CAMK4: variants seen among roughly 807,000 people sequenced by gnomAD.
CAMK4 encodes calcium/calmodulin dependent protein kinase IV.
Under a neutral mutation model 44.9 loss-of-function variants are expected in CAMK4, and 22 were observed. That is an observed-to-expected ratio of 0.49 (90% CI 0.35 to 0.70). The LOEUF is 0.70. Ranked by LOEUF, CAMK4 falls within the 30% of genes least tolerant of loss-of-function variation. CAMK4 has a pLI of 0.01. For missense variants in CAMK4, 498 were observed against 586.8 expected (o/e 0.85, Z 1.56); for synonymous variants, 218 against 215.4 (o/e 1.01, Z -0.11).
chr5:111,389,227 A>G (rs1751714114), intron 4 of CAMK4, among the ~76,000 whole-genome samples: 1 of 152,136 alleles, frequency 6.6e-6, no homozygotes, highest in South Asian at 2.1e-4. Context: ...GGTGTCTTTT[A>G]TAAAGGCATG....
chr5:111,364,114 G>A (rs1750700548), intron 2 of CAMK4, among the ~76,000 whole-genome samples: 2 of 152,028 alleles, frequency 1.3e-5, no homozygotes, highest in Non-Finnish European at 2.9e-5. Context: ...GGCAACAATA[G>A]AGAGGTTTTC....
chr5:111,299,483 C>G (rs1747630236), intron 1 of CAMK4, among the ~76,000 whole-genome samples: 1 of 152,124 alleles, frequency 6.6e-6, no homozygotes, highest in Non-Finnish European at 1.5e-5. Context: ...GACACACATT[C>G]TAGATCTTAA....
rs948428447 is a variant in CAMK4 at position 111,492,205 on chromosome 5, C to T, written c.*7739C>T. On this transcript the variant is annotated 3_prime_UTR_variant, in exon 11 of 11. Transcript: ENST00000282356. ...TCATGACCTTTGTGTTTCCGTTTGA[C>T]TTTCAACATCTGTAACCAAAAGGTC... The T allele has an allele frequency of 6.6e-6, 1 of 152,080 alleles. No individual in the cohort carries two copies. The highest frequency in any genetic ancestry group is 1.5e-5 in the Non-Finnish European group (1 of 68,008). The allele number at this position is 152,080 out of a possible 1,614,324, so 9.4% of individuals were successfully genotyped here.
At chr5:111,434,506 A>G (rs1753578611) in intron 5 of CAMK4, among the ~76,000 whole-genome samples, 1 of 152,218 alleles carries the variant, frequency 6.6e-6, no homozygotes, top group Non-Finnish European at 1.5e-5. Flanking sequence ...ACTTTGCCCG[A>G]AATAGATTCT....
At chr5:111,449,020 C>T (rs897958670) in intron 6 of CAMK4, 109 bp from the exon 7 acceptor site, 13 of 540,450 alleles carry the variant, frequency 2.4e-5, no homozygotes, top group South Asian at 6.6e-5. Flanking sequence ...TCATCAAATA[C>T]AAAAGAAAGC....
At chr5:111,457,881 C>T (rs1277941595) in intron 7 of CAMK4, among the ~76,000 whole-genome samples, 1 of 152,168 alleles carries the variant, frequency 6.6e-6, no homozygotes, top group Non-Finnish European at 1.5e-5. Flanking sequence ...ATTAAATACC[C>T]AAAGTGGCAA....
chr5:111,482,701 A>C lies in CAMK4; in HGVS notation c.829-84A>C. The C allele has an allele frequency of 1.7e-6, 2 of 1,145,896 alleles. No individual in the cohort carries two copies. The highest frequency in any genetic ancestry group is 2.5e-6 in the Non-Finnish European group (2 of 800,478). The allele number at this position is 1,145,896 out of a possible 1,614,324, so 71.0% of individuals were successfully genotyped here. A position where few individuals can be genotyped will look rare whatever the true frequency, so the allele number is the denominator to read the frequency against. On this transcript the variant is annotated intron_variant, in intron 9 of 10. Coordinates refer to ENST00000282356, the MANE Select transcript of CAMK4 (RefSeq NM_001744.6). This position sits in a 1 kb window ranked among gnomAD's most constrained non-coding sequence, Gnocchi z 4.9. ...TTTAGTGGTACTGCTGGGAAATGGAATAAGATCTGGAAGTTTGTAAGCTGA... is the reference window on the plus strand; with the variant it reads ...TTTAGTGGTACTGCTGGGAAATGGACTAAGATCTGGAAGTTTGTAAGCTGA...
rs532027537 is a variant in CAMK4, at chr5:111,324,665, A to G, written c.162-19359A>G. ...CAAGTGAACAAAAAATAAAGAATAT[A>G]TATGATTTGAATATTACCAATCACC... On this transcript the variant is annotated intron_variant, in intron 1 of 10. Transcript: ENST00000282356. 3.9e-5 allele frequency among the ~76,000 whole-genome samples: 6 copies of G among 152,214 alleles called. No homozygotes were observed. The South Asian group carries it at 1.2e-3, about 32-fold the overall frequency.
chr5:111,474,648 C>G (rs1315224348), intron 8 of CAMK4, among the ~76,000 whole-genome samples: 1 of 152,050 alleles, frequency 6.6e-6, no homozygotes, highest in Non-Finnish European at 1.5e-5. Flanking sequence ...TTGTTTTTAA[C>G]TTAATAGTGA....
At chr5:111,237,062 A>T (rs185679028) in intron 1 of CAMK4, among the ~76,000 whole-genome samples, 1 of 152,302 alleles carries the variant, frequency 6.6e-6, no homozygotes, top group East Asian at 1.9e-4. Flanking sequence ...TTAGAATGTA[A>T]GCTCTTGAGG....
intron 5 of CAMK4, among the ~76,000 whole-genome samples, chr5:111,436,947 G>A (rs1284912909): frequency 1.3e-5 from 2 of 152,164 alleles, no homozygotes; most frequent in Non-Finnish European, 2.9e-5. Flanking sequence ...CCAACATAAT[G>A]CTACTATAGA....
chr5:111,401,007 C>G (rs1752203060), intron 5 of CAMK4, among the ~76,000 whole-genome samples: 2 of 152,188 alleles, frequency 1.3e-5, no homozygotes, highest in South Asian at 4.1e-4. Flanking sequence ...ACATTATCCC[C>G]CACTGATACA....
At chr5:111,386,969 G>A (rs1751627522) in intron 4 of CAMK4, among the ~76,000 whole-genome samples, 1 of 152,200 alleles carries the variant, frequency 6.6e-6, no homozygotes, top group South Asian at 2.1e-4. Flanking sequence ...TGAGCCCTCT[G>A]GCCTAGCCCA....
intron 7 of CAMK4, among the ~76,000 whole-genome samples, chr5:111,466,683 C>T (rs1273166571): frequency 6.6e-6 from 1 of 152,118 alleles, no homozygotes; most frequent in Non-Finnish European, 1.5e-5. Context: ...TAAAACACTG[C>T]TGAAGGAAAT....
rs1755127105 is a variant in CAMK4, at chr5:111,473,301, T to G, written c.626-10T>G. The G allele has an allele frequency of 6.3e-7, 1 of 1,598,926 alleles. No homozygotes were observed. The highest frequency in any genetic ancestry group is 1.7e-5 in the Admixed American group (1 of 59,866). Reference sequence around the variant, plus strand: ...GCTCTAATTTAACACAATTTTCACTTTTTCTGCAGCACCTGAAATTCTTAG... The same window carrying G: ...GCTCTAATTTAACACAATTTTCACTGTTTCTGCAGCACCTGAAATTCTTAG... On this transcript the variant is annotated splice_polypyrimidine_tract_variant and intron_variant, in intron 7 of 10. Coordinates refer to ENST00000282356, the MANE Select transcript of CAMK4 (RefSeq NM_001744.6).
At chr5:111,268,873 A>G (rs1373779092) in intron 1 of CAMK4, among the ~76,000 whole-genome samples, 1 of 152,170 alleles carries the variant, frequency 6.6e-6, no homozygotes, top group Non-Finnish European at 1.5e-5. Flanking sequence ...GGGAACATAA[A>G]GATCTATTGA....
At chr5:111,351,920 G>A (rs1750127209) in intron 2 of CAMK4, among the ~76,000 whole-genome samples, 1 of 152,090 alleles carries the variant, frequency 6.6e-6, no homozygotes, top group Non-Finnish European at 1.5e-5. Context: ...AGCAGATTTG[G>A]TGTTTGATGA....
At chr5:111,248,752 A>G (rs982388441) in intron 1 of CAMK4, among the ~76,000 whole-genome samples, 5 of 152,150 alleles carry the variant, frequency 3.3e-5, no homozygotes, top group Admixed American at 1.3e-4. Flanking sequence ...CTCTTCTGTA[A>G]TATATCAGTA....
intron 1 of CAMK4, among the ~76,000 whole-genome samples, chr5:111,284,365 ATAAAGATGAACTAACGAGAAAC>A (rs1337910703): frequency 2.3e-4 from 35 of 152,252 alleles, no homozygotes; most frequent in African/African-American, 8.2e-4. Context: ...TATGAGAAAC[ATAAAGATGAACTAACGAGAAAC>A]TAAAAAGTTA....
Sources: allele counts gnomAD v4.1 joint callset (sites outside exome capture counted in the v4.1 genomes callset), GRCh38; gene constraint gnomAD v4.1.1; non-coding constraint Gnocchi (gnomAD v3.1); transcripts MANE v1.5; gene names NCBI Gene and HGNC (gene_info 2026-07-23, HGNC 2026-07-21).